PCDH9: variants seen among roughly 807,000 people sequenced by gnomAD.
The protein encoded by PCDH9 is protocadherin 9.
In PCDH9, 24 loss-of-function variants were observed where a neutral mutation model predicts 70.6. The ratio of observed to expected loss-of-function variants is 0.34; its 90% confidence interval spans 0.25 to 0.48. PCDH9 has a LOEUF of 0.48. PCDH9 is among the 20% of genes least tolerant of loss of function. PCDH9 has a pLI of 0.99. For synonymous variants in PCDH9, 562 were observed against 558.5 expected, an observed-to-expected ratio of 1.01 and a Z score of -0.09; for missense variants, 1,281 against 1,503.6, an observed-to-expected ratio of 0.85 and a Z score of 2.45.
At chr13:66,418,826 AATAG>A (rs1358696377) in intron 4 of PCDH9, among the ~76,000 whole-genome samples, 1 of 56,180 alleles carries the variant, frequency 1.8e-5, no homozygotes, top group African/African-American at 3.6e-5. Flanking sequence ...AGTTTAACAA[AATAG>A]ATAGACCGCT....
chr13:67,154,605 T>TATAC (rs1384212375), intron 2 of PCDH9, among the ~76,000 whole-genome samples: 84 of 93,288 alleles, frequency 9.0e-4, no homozygotes, highest in African/African-American at 3.6e-3. Flanking sequence ...AATATATATA[T>TATAC]ACACACACAC....
intron 4 of PCDH9, among the ~76,000 whole-genome samples, chr13:66,328,690 T>C (rs1361800626): frequency 6.6e-6 from 1 of 152,150 alleles, no homozygotes; most frequent in African/African-American, 2.4e-5. Flanking sequence ...TTGAGGACAG[T>C]CACCAAGTGT....
chr13:67,082,854 A>C (rs754420804), intron 2 of PCDH9, among the ~76,000 whole-genome samples: 11 of 152,192 alleles, frequency 7.2e-5, no homozygotes, highest in Non-Finnish European at 1.6e-4. Context: ...GGATAGACCA[A>C]ATAATTTTTC....
chr13:67,201,274 C>T (rs2089204846), intron 2 of PCDH9: 1 of 151,898 alleles, frequency 6.6e-6, no homozygotes, highest in South Asian at 2.1e-4. Flanking sequence ...ATACTGATTA[C>T]ACCAAAAATG....
At chr13:66,452,958 T>TCATCCATCCATTCAGCCAGCCACC (rs931256201) in intron 4 of PCDH9, among the ~76,000 whole-genome samples, 18 of 151,942 alleles carry the variant, frequency 1.2e-4, no homozygotes, top group Non-Finnish European at 1.9e-4. Context: ...ATCCATCCAC[T>TCATCCATCCATTCAGCCAGCCACC]CATCCATCCA....
chr13:67,132,576 G>A (rs1197377537), intron 2 of PCDH9, among the ~76,000 whole-genome samples: 1 of 151,972 alleles, frequency 6.6e-6, no homozygotes, highest in African/African-American at 2.4e-5. Flanking sequence ...GTAACATATA[G>A]TTCATAGCAA....
At chr13:66,524,420 T>C (rs751321478) in intron 4 of PCDH9, among the ~76,000 whole-genome samples, 12 of 152,016 alleles carry the variant, frequency 7.9e-5, no homozygotes, top group Non-Finnish European at 1.8e-4. Context: ...TTCTTGTTAA[T>C]ATTGTGTACT....
intron 4 of PCDH9, among the ~76,000 whole-genome samples, chr13:66,536,245 G>A (rs1593638289): frequency 6.6e-6 from 1 of 151,904 alleles, no homozygotes; most frequent in African/African-American, 2.4e-5. Context: ...TACACCTCAG[G>A]GAGTACAACA....
chr13:66,837,371 G>T (rs2081039140), intron 3 of PCDH9, among the ~76,000 whole-genome samples: 1 of 152,032 alleles, frequency 6.6e-6, no homozygotes, highest in Admixed American at 6.6e-5. Flanking sequence ...GTTTTACAGT[G>T]GGGAAAAGTG....
intron 4 of PCDH9, among the ~76,000 whole-genome samples, chr13:66,313,560 G>T (rs1356979566): frequency 6.6e-6 from 1 of 152,150 alleles, no homozygotes; most frequent in African/African-American, 2.4e-5. Flanking sequence ...TTGCAAAAGC[G>T]AGCCTGAATA....
intron 2 of PCDH9, among the ~76,000 whole-genome samples, chr13:67,072,992 G>A (rs1239671302): frequency 6.6e-6 from 1 of 152,144 alleles, no homozygotes; most frequent in African/African-American, 2.4e-5. Context: ...GGAATGAATT[G>A]TATATTTTTG....
At chr13:66,853,868 C>T (rs2081353676) in intron 3 of PCDH9, among the ~76,000 whole-genome samples, 1 of 151,804 alleles carries the variant, frequency 6.6e-6, no homozygotes, top group Non-Finnish European at 1.5e-5. Context: ...TGCCACCACA[C>T]CCAGCTATGA....
chr13:66,540,109 C>T (rs1593644823), intron 4 of PCDH9, among the ~76,000 whole-genome samples: 1 of 151,914 alleles, frequency 6.6e-6, no homozygotes, highest in East Asian at 1.9e-4. Context: ...CTCCTGGGCT[C>T]AAGAAATCCT....
At position 66,304,858 on chromosome 13, in the gene PCDH9, C is replaced by A; in HGVS notation, c.3511G>T (p.Asp1171Tyr). ...AGGGTGTGCCCATTCACAAGCTTGT[C>A]CTTCTTCACCCATTCTTTCTGGGGT... ...FAPQKEWVKK[D>Y]KLVNGHTLTR... The change falls in exon 5 of 5, where the codon GAC becomes TAC. Residue 1171 changes from aspartate (D) to tyrosine (Y), a missense_variant. Transcript: ENST00000377865. The A allele has an allele frequency of 6.2e-7, 1 of 1,613,576 alleles. No individual in the cohort carries two copies. The highest frequency in any genetic ancestry group is 2.2e-5 in the East Asian group (1 of 44,842).
chr13:66,589,943 C>T (rs932585446), intron 4 of PCDH9, among the ~76,000 whole-genome samples: 2 of 151,682 alleles, frequency 1.3e-5, no homozygotes, highest in Admixed American at 1.3e-4. Flanking sequence ...CAAATTATTC[C>T]ATGTGGTTCT....
At chr13:67,177,653 T>C (rs1276847001) in intron 2 of PCDH9, among the ~76,000 whole-genome samples, 6 of 152,056 alleles carry the variant, frequency 3.9e-5, no homozygotes. Flanking sequence ...CCTATGTTGT[T>C]GTCTCTCTCC....
chr13:67,212,460 A>G (rs771052429), intron 2 of PCDH9: 16 of 152,094 alleles, frequency 1.1e-4, no homozygotes, highest in Non-Finnish European at 1.0e-4. Context: ...AAAATTTCCT[A>G]TTGTCTAATG....
At chr13:66,996,383 G>A (rs1403028588) in intron 2 of PCDH9, 1 of 152,052 alleles carries the variant, frequency 6.6e-6, no homozygotes, top group Non-Finnish European at 1.5e-5. Context: ...CAGGATAGTT[G>A]GGATTCTGAG....
intron 2 of PCDH9, chr13:67,216,227 T>C (rs2089596669): frequency 6.6e-6 from 1 of 152,118 alleles, no homozygotes; most frequent in Admixed American, 6.6e-5. Flanking sequence ...ACTTAATTAT[T>C]ATCATGCTTA....
Sources: allele counts gnomAD v4.1 joint callset (sites outside exome capture counted in the v4.1 genomes callset), GRCh38; gene constraint gnomAD v4.1.1; transcripts MANE v1.5; gene names NCBI Gene and HGNC (gene_info 2026-07-23, HGNC 2026-07-21).